MOK: variants seen among roughly 807,000 people sequenced by gnomAD.
The protein encoded by MOK is MAPK/MAK/MRK overlapping kinase.
MOK carries 59 observed loss-of-function variants against 54.2 expected under a neutral mutation model. That is an observed-to-expected ratio of 1.09 (90% CI 0.88 to 1.35). MOK has a LOEUF of 1.35. Ranked by LOEUF, MOK falls within the 40% of genes most tolerant of loss-of-function variation. The pLI is 0.00. For synonymous variants in MOK, 210 were observed against 202.7 expected (o/e 1.04, Z -0.31); for missense variants, 517 against 526.2 (o/e 0.98, Z 0.17).
intron 1 of MOK, among the ~76,000 whole-genome samples, chr14:102,287,972 T>C (rs2070327328): frequency 6.6e-6 from 1 of 151,654 alleles, no homozygotes; most frequent in South Asian, 2.1e-4. Flanking sequence ...GTAGCTGGGA[T>C]TACAGGCGCC....
At chr14:102,256,738 AAAG>A (rs2066993625) in intron 4 of MOK, among the ~76,000 whole-genome samples, 1 of 152,152 alleles carries the variant, frequency 6.6e-6, no homozygotes, top group Admixed American at 6.5e-5. Context: ...AAAAAAAAAA[AAAG>A]AGCAGAATCA....
chr14:102,274,403 T>C (rs1362197234), intron 2 of MOK, among the ~76,000 whole-genome samples: 2 of 151,424 alleles, frequency 1.3e-5, no homozygotes, highest in Admixed American at 1.3e-4. Context: ...TACAGGTGTG[T>C]GACACTACAC....
rs946193024 is a variant in MOK, at chr14:102,235,739, T to C, written c.591-1950A>G. Among the ~76,000 whole-genome samples, 1 of 152,182 alleles carries C rather than the reference T, an allele frequency of 6.6e-6. No individual in the cohort carries two copies. The highest frequency in any genetic ancestry group is 2.4e-5 in the African/African-American group (1 of 41,442). On this transcript the variant is annotated intron_variant, in intron 7 of 11. Coordinates refer to ENST00000361847, the MANE Select transcript of MOK (RefSeq NM_014226.3). The surrounding 1 kb of genome is among the most constrained non-coding windows in gnomAD (Gnocchi z 4.4). ...GATCCCGCCTCCCGGGAAGGAACTA[T>C]TGTTCTTTACATCCATTTTATTTCC...
At chr14:102,226,635 A>G (rs1015841176), downstream of MOK, among the ~76,000 whole-genome samples, 2 of 152,158 alleles carry the variant, frequency 1.3e-5, no homozygotes, top group South Asian at 4.1e-4. The surrounding 1 kb of genome is among the most constrained non-coding windows in gnomAD (Gnocchi z 4.8). Context: ...ACGCAGCTGA[A>G]GCGGCCTGGG....
chr14:102,284,737 C>T (rs896560558), intron 1 of MOK, among the ~76,000 whole-genome samples: 2 of 152,224 alleles, frequency 1.3e-5, no homozygotes, highest in Admixed American at 6.5e-5. Context: ...AAGGAAGCTC[C>T]TACAAATTGA....
the MOK span, among the ~76,000 whole-genome samples, chr14:102,215,652 T>A: frequency 6.6e-6 from 1 of 152,142 alleles, no homozygotes; most frequent in Non-Finnish European, 1.5e-5. Flanking sequence ...CAGTAGGAGC[T>A]CTTTTCCTGG....
the MOK span, among the ~76,000 whole-genome samples, chr14:102,219,464 C>G: frequency 6.6e-6 from 1 of 152,244 alleles, no homozygotes. Context: ...ACAGCAGGCC[C>G]AGCACACTCC....
chr14:102,234,095 G>A (rs766533836), intron 7 of MOK: 12 of 263,006 alleles, frequency 4.6e-5, no homozygotes, highest in South Asian at 7.9e-5. Flanking sequence ...ACTGTTAAGC[G>A]GCCGGTGGCA....
At chr14:102,274,208 C>T (rs1223649825) in intron 2 of MOK, among the ~76,000 whole-genome samples, 16 of 150,860 alleles carry the variant, frequency 1.1e-4, no homozygotes, top group African/African-American at 3.7e-4. Flanking sequence ...CTGCCCGCCT[C>T]GGCCTCCCAA....
chr14:102,295,680 A>G (rs1263041923), intron 1 of MOK, among the ~76,000 whole-genome samples: 1 of 152,260 alleles, frequency 6.6e-6, no homozygotes, highest in East Asian at 1.9e-4. Flanking sequence ...GTACACAATT[A>G]ATTATTTGAT....
chr14:102,227,734 C>T (rs2064310725), downstream of MOK, among the ~76,000 whole-genome samples: 2 of 152,152 alleles, frequency 1.3e-5, no homozygotes, highest in Admixed American at 1.3e-4. Context: ...GACTCGCTGC[C>T]CCACGCTCCC....
At chr14:102,301,543 T>C (rs1043224947) in intron 1 of MOK, among the ~76,000 whole-genome samples, 2 of 152,218 alleles carry the variant, frequency 1.3e-5, no homozygotes, top group South Asian at 4.1e-4. Context: ...AGCCCCACTC[T>C]GACCCCAAGC....
At chr14:102,277,748 A>T (rs968149579) in intron 2 of MOK, among the ~76,000 whole-genome samples, 2 of 152,230 alleles carry the variant, frequency 1.3e-5, no homozygotes, top group Non-Finnish European at 2.9e-5. Context: ...GGGAAACTGA[A>T]AAGGAACAAG....
intron 1 of MOK, among the ~76,000 whole-genome samples, chr14:102,286,143 C>CA (rs1484532997): frequency 6.7e-6 from 1 of 149,790 alleles, no homozygotes; most frequent in South Asian, 2.1e-4. Context: ...ACTAAAAATA[C>CA]AAAAAATTAG....
chr14:102,224,104 C>A (rs2064151943), downstream of MOK, among the ~76,000 whole-genome samples: 1 of 147,738 alleles, frequency 6.8e-6, no homozygotes, highest in Non-Finnish European at 1.5e-5. Context: ...TGCAGTGGCG[C>A]AATCTCGGCT....
intron 5 of MOK, 37 bp from the exon 6 acceptor site, chr14:102,251,841 C>T (rs2066553899): frequency 1.9e-6 from 3 of 1,542,050 alleles, no homozygotes; most frequent in Admixed American, 1.7e-5. Flanking sequence ...AATTACACTT[C>T]ATTTATTCAA....
rs2064380584 is a variant in MOK, at chr14:102,228,968, C to T, written c.*321G>A. ...GCAGAACCCACCTTCCAACCACGCCCAACACATCACAGAAATGCCTGCTCG... is the reference window on the plus strand; with the variant it reads ...GCAGAACCCACCTTCCAACCACGCCTAACACATCACAGAAATGCCTGCTCG... On this transcript the variant is annotated 3_prime_UTR_variant, in exon 12 of 12. Coordinates refer to ENST00000361847, the MANE Select transcript of MOK (RefSeq NM_014226.3). 1 of 366,316 alleles carries T rather than the reference C, an allele frequency of 2.7e-6. No homozygotes were observed. The highest frequency in any genetic ancestry group is 4.9e-6 in the Non-Finnish European group (1 of 204,112). The allele number at this position is 366,316 out of a possible 1,614,324, so 22.7% of individuals were successfully genotyped here.
chr14:102,302,031 C>T (rs1185356191), intron 1 of MOK, among the ~76,000 whole-genome samples: 1 of 151,234 alleles, frequency 6.6e-6, no homozygotes, highest in Non-Finnish European at 1.5e-5. Flanking sequence ...GGATTACAGG[C>T]GTGAGCCACT....
intron 4 of MOK, among the ~76,000 whole-genome samples, chr14:102,258,008 C>A (rs982798403): frequency 6.6e-6 from 1 of 151,642 alleles, no homozygotes; most frequent in Non-Finnish European, 1.5e-5. Context: ...CTGTTTAGAA[C>A]CACTTATAGC....
Sources: gnomAD v4.1 joint callset for allele counts (sites outside exome capture counted in the v4.1 genomes callset) on GRCh38, gnomAD v4.1.1 for gene constraint, Gnocchi (gnomAD v3.1) non-coding constraint, MANE v1.5 for transcripts, NCBI Gene and HGNC (gene_info 2026-07-23, HGNC 2026-07-21) for gene names.